MAP3K13: variants seen among roughly 807,000 people sequenced by gnomAD.
MAP3K13 encodes mitogen-activated protein kinase kinase kinase 13.
Under a neutral mutation model 104.0 loss-of-function variants are expected in MAP3K13, and 52 were observed. The ratio of observed to expected loss-of-function variants is 0.50; its 90% CI spans 0.40 to 0.63. MAP3K13 has a LOEUF of 0.63. Among genes scored for constraint, MAP3K13 ranks in the 20% least tolerant of loss-of-function variants. The pLI is 0.00. For synonymous variants in MAP3K13, 394 were observed against 442.2 expected (o/e 0.89, Z 1.37); for missense variants, 914 against 1,218.5 (o/e 0.75, Z 3.72).
chr3:185,417,703 G>A (rs1713862371), intron 1 of MAP3K13: 2 of 1,612,642 alleles, frequency 1.2e-6, no homozygotes, highest in African/African-American at 2.7e-5. Flanking sequence ...TGGTAGTGCT[G>A]CTGCTGCAGC....
intron 1 of MAP3K13, among the ~76,000 whole-genome samples, chr3:185,421,367 T>C (rs1714118228): frequency 6.6e-6 from 1 of 151,992 alleles, no homozygotes; most frequent in Non-Finnish European, 1.5e-5. Flanking sequence ...CCAGCTAATT[T>C]TTTGTAGTTT....
intron 2 of MAP3K13, among the ~76,000 whole-genome samples, chr3:185,430,247 C>T (rs1207720056): frequency 6.6e-6 from 1 of 151,920 alleles, no homozygotes; most frequent in African/African-American, 2.4e-5. Context: ...ACAATATATT[C>T]AATATTCTAA....
chr3:185,332,021 C>T (rs891626536), intron 2 of MAP3K13, among the ~76,000 whole-genome samples: 24 of 152,154 alleles, frequency 1.6e-4, no homozygotes, highest in Non-Finnish European at 3.1e-4. Context: ...TTTATATAAC[C>T]AGTCACCTGT....
chr3:185,417,392 C>T, intron 1 of MAP3K13: 1 of 1,205,172 alleles, frequency 8.3e-7, no homozygotes, highest in Middle Eastern at 2.9e-4. Flanking sequence ...CTTTTCTTTT[C>T]TTTTCTTTTC....
intron 1 of MAP3K13, among the ~76,000 whole-genome samples, chr3:185,400,482 A>G (rs189826657): frequency 1.3e-5 from 2 of 152,242 alleles, no homozygotes; most frequent in African/African-American, 4.8e-5. Flanking sequence ...CTTAACACAG[A>G]TGATTAACAT....
intron 2 of MAP3K13, chr3:185,329,251 T>C: frequency 1.4e-6 from 1 of 703,112 alleles, no homozygotes; most frequent in Non-Finnish European, 2.6e-6. Context: ...AAAATAAAAG[T>C]GAGTATGTAC....
chr3:185,481,176 C>G (rs567520312), intron 13 of MAP3K13: 1 of 153,378 alleles, frequency 6.5e-6, no homozygotes, highest in South Asian at 2.1e-4. Flanking sequence ...TCTCCCAACA[C>G]GGTTAAAGGT....
At chr3:185,372,939 A>G (rs1210421763) in intron 1 of MAP3K13, among the ~76,000 whole-genome samples, 1 of 152,212 alleles carries the variant, frequency 6.6e-6, no homozygotes, top group African/African-American at 2.4e-5. Flanking sequence ...CTGTCCTGCT[A>G]AAGCTTCACC....
Position 185,488,984 on chromosome 3 carries a change from TC to T in MAP3K13, c.*6531del, listed in dbSNP as rs1403776367. On this transcript the variant is annotated 3_prime_UTR_variant, in exon 14 of 14. Coordinates refer to ENST00000265026, the MANE Select transcript of MAP3K13 (RefSeq NM_004721.5). ...GTCTCCTGTACTGTCAGTCCCCAGC[TC>T]CCAGTGTTGTTTTCTGATGCCGGCT... 6.6e-6 allele frequency: 1 copy of T among 152,204 alleles called. No homozygotes were observed. Among genetic ancestry groups the T allele is most frequent in the Non-Finnish European group, 1.5e-5 (1 of 68,050 alleles). 9.4% of individuals were successfully genotyped at this position (152,204 alleles called of 1,614,324 possible). A position where few individuals can be genotyped will look rare whatever the true frequency, so the allele number is the denominator to read the frequency against.
At chr3:185,330,046 A>ATTTTTTTTTTTTT (rs548813356) in intron 2 of MAP3K13, among the ~76,000 whole-genome samples, 9 of 98,276 alleles carry the variant, frequency 9.2e-5, no homozygotes, top group East Asian at 6.2e-4. Context: ...TGCCTGGCTA[A>ATTTTTTTTTTTTT]TTTTTTTTTT....
At chr3:185,429,232 G>A (rs978514204) in intron 2 of MAP3K13, among the ~76,000 whole-genome samples, 176 bp downstream of exon 2, 8 of 152,274 alleles carry the variant, frequency 5.3e-5, no homozygotes, top group South Asian at 2.1e-4. Context: ...TTCACATTTG[G>A]TGGGTCTTTT....
At chr3:185,321,082 A>C (rs1721843164) in intron 2 of MAP3K13, among the ~76,000 whole-genome samples, 1 of 151,872 alleles carries the variant, frequency 6.6e-6, no homozygotes, top group Non-Finnish European at 1.5e-5. Context: ...ATATGCGTGC[A>C]CACATATACA....
At chr3:185,374,955 G>A (rs1433229028) in intron 1 of MAP3K13, among the ~76,000 whole-genome samples, 1 of 152,134 alleles carries the variant, frequency 6.6e-6, no homozygotes. Context: ...TAAAGAACAG[G>A]ACTTCATCAG....
intron 8 of MAP3K13, among the ~76,000 whole-genome samples, chr3:185,463,948 T>C (rs1487166870): frequency 1.3e-5 from 2 of 152,150 alleles, no homozygotes; most frequent in African/African-American, 4.8e-5. Context: ...TTCCAGAAAT[T>C]TATAAGATTT....
rs527756211 is a variant in MAP3K13, at chr3:185,414,843, G to A, written c.-85-13654G>A. Among the ~76,000 whole-genome samples, 77 of 152,210 alleles carry A rather than the reference G, an allele frequency of 5.1e-4. No homozygotes were observed. The South Asian group carries it at 0.016, about 31-fold the overall frequency. On this transcript the variant is annotated intron_variant, in intron 1 of 13. Coordinates refer to ENST00000265026, the MANE Select transcript of MAP3K13 (RefSeq NM_004721.5). ...TCCAAATACTGACAATGAATTTAAT[G>A]AGAAAAGAAAATTTCCATAATATAA...
intron 2 of MAP3K13, among the ~76,000 whole-genome samples, chr3:185,350,106 A>T (rs1244267813): frequency 6.6e-6 from 1 of 152,226 alleles, no homozygotes; most frequent in African/African-American, 2.4e-5. Context: ...TCAACAGAGC[A>T]CTTATGAATT....
chr3:185,454,392 T>C (rs1455726191), intron 7 of MAP3K13, among the ~76,000 whole-genome samples: 1 of 99,994 alleles, frequency 1.0e-5, no homozygotes, highest in African/African-American at 3.8e-5. Context: ...ATATGAGATA[T>C]ATATGAGATA....
chr3:185,337,680 G>C (rs895179291), intron 2 of MAP3K13, among the ~76,000 whole-genome samples: 2 of 152,120 alleles, frequency 1.3e-5, no homozygotes, highest in Non-Finnish European at 2.9e-5. Flanking sequence ...TATTAACCTG[G>C]ACCTAGTCAC....
chr3:185,356,083 G>T (rs895985823), intron 2 of MAP3K13, among the ~76,000 whole-genome samples: 21 of 152,110 alleles, frequency 1.4e-4, no homozygotes, highest in African/African-American at 4.8e-4. Context: ...AAATATCAAA[G>T]ATACAGCTTG....
Sources: gnomAD v4.1 joint callset for allele counts (sites outside exome capture counted in the v4.1 genomes callset) on GRCh38, gnomAD v4.1.1 for gene constraint, MANE v1.5 for transcripts, NCBI Gene and HGNC (gene_info 2026-07-23, HGNC 2026-07-21) for gene names.